Variants in HEG1 observed in about 807,000 individuals in gnomAD.
HEG1 encodes the protein heart development protein with EGF like domains 1.
A neutral mutation model predicts 125.6 loss-of-function variants in HEG1; 56 were observed. The ratio of observed to expected loss-of-function variants is 0.45; its 90% CI spans 0.36 to 0.56. The LOEUF is 0.56. Ranked by LOEUF, HEG1 falls within the 20% of genes least tolerant of loss-of-function variation. The pLI is 0.00. For synonymous variants in HEG1, 644 were observed against 668.5 expected (o/e 0.96, Z 0.57); for missense variants, 1,523 against 1,670.0 (o/e 0.91, Z 1.53).
chr3:125,010,109 C>T (rs1412759223), intron 7 of HEG1, among the ~76,000 whole-genome samples: 1 of 152,166 alleles, frequency 6.6e-6, no homozygotes, highest in Non-Finnish European at 1.5e-5. Context: ...AACATCTGGA[C>T]TACAACTGGA....
chr3:124,995,632 C>T (rs543635817), intron 12 of HEG1, among the ~76,000 whole-genome samples: 1 of 152,338 alleles, frequency 6.6e-6, no homozygotes, highest in Non-Finnish European at 1.5e-5. Flanking sequence ...CATCAGAACC[C>T]AGCCTAAAGG....
rs1274061359 is a variant in HEG1 at position 124,967,998 on chromosome 3, A to G, written c.*2654T>C. On this transcript the variant is annotated 3_prime_UTR_variant, in exon 17 of 17. Coordinates refer to ENST00000311127, the MANE Select transcript of HEG1 (RefSeq NM_020733.2). The stretch of plus-strand genomic sequence containing the variant: ...ATGCCCCTGCGCCCGGCTCCTCTCT[A>G]TGGAGGTTTAAGCATCTCTTGAGCA... 1 of 152,246 alleles carries G rather than the reference A, an allele frequency of 6.6e-6. No individual in the cohort carries two copies. The highest frequency in any genetic ancestry group is 1.5e-5 in the Non-Finnish European group (1 of 68,120). The allele number at this position is 152,246 out of a possible 1,614,324, so 9.4% of individuals were successfully genotyped here.
At position 124,977,959 on chromosome 3, in the gene HEG1, C is replaced by T. The variant is rs747585407; in HGVS notation, c.3734-13G>A. The stretch of plus-strand genomic sequence containing the variant: ...ATAAGCTGATAGGCTAAACGTAAAA[C>T]AAACAAAAAAGCATATTGGCTGGAG... On this transcript the variant is annotated splice_polypyrimidine_tract_variant and intron_variant, in intron 14 of 16. Transcript: ENST00000311127. The T allele has an allele frequency of 6.5e-7, 1 of 1,543,992 alleles. No homozygotes were observed. The highest frequency in any genetic ancestry group is 8.7e-7 in the Non-Finnish European group (1 of 1,144,380).
chr3:125,001,255 T>G (rs903319625), intron 11 of HEG1, among the ~76,000 whole-genome samples: 1 of 151,412 alleles, frequency 6.6e-6, no homozygotes, highest in Non-Finnish European at 1.5e-5. Flanking sequence ...TTTAACCTAA[T>G]AATGTATCAT....
chr3:125,021,099 G>A lies in HEG1; in HGVS notation c.945C>T (p.Ser315=). The A allele has an allele frequency of 6.3e-7, 1 of 1,586,386 alleles. No individual in the cohort carries two copies. Among genetic ancestry groups the A allele is most frequent in the Non-Finnish European group, 8.6e-7 (1 of 1,165,244 alleles). The change falls in exon 4 of 17, where the codon TCC becomes TCT. Residue 315 remains serine (S), a synonymous_variant. Transcript: ENST00000311127. ...SSESTEKLNN[S]TGLQSSSVSQ... ...TGACTGAGGAGCTCTGGAGGCCAGT[G>A]GAGTTGTTAAGCTTCTCTGTACTTT... is the stretch of plus-strand genomic sequence containing the variant.
At chr3:125,052,842 C>T (rs1188308675) in intron 1 of HEG1, among the ~76,000 whole-genome samples, 1 of 152,202 alleles carries the variant, frequency 6.6e-6, no homozygotes, top group Admixed American at 6.5e-5. Context: ...GGCAAACAAT[C>T]CACATAATGG....
In HEG1 at chr3:125,012,778, G is replaced by C; in HGVS notation, c.2801C>G (p.Thr934Arg). Residue 934 changes from threonine (T) to arginine (R), a missense_variant, in exon 6 of 17, where the codon ACA (threonine) becomes AGA (arginine). Thr to Arg is a moderately conservative substitution (Grantham distance 71). Coordinates refer to ENST00000311127, the MANE Select transcript of HEG1 (RefSeq NM_020733.2). ...ACGTGAAGCTGGGCTGTACTCTGCTGTAACGCCAAGCTTTGTGGTCATTTC... is the reference window on the plus strand; with the variant it reads ...ACGTGAAGCTGGGCTGTACTCTGCTCTAACGCCAAGCTTTGTGGTCATTTC... Reference protein sequence around the residue: ...AKEMTTKLGVTAEYSPASRSL... With the variant: ...AKEMTTKLGVRAEYSPASRSL... The C allele has an allele frequency of 2.5e-6, 4 of 1,614,074 alleles. No homozygotes were observed. The South Asian group carries it at 4.4e-5, about 18-fold the overall frequency.
At chr3:125,029,095 G>A (rs1579428846) in intron 2 of HEG1, 100 bp downstream of exon 2, 3 of 1,332,114 alleles carry the variant, frequency 2.3e-6, no homozygotes, top group East Asian at 5.0e-5. Flanking sequence ...ACCTTGGAAG[G>A]GCACAATGGC....
intron 4 of HEG1, among the ~76,000 whole-genome samples, chr3:125,020,476 T>A (rs977541986): frequency 6.6e-6 from 1 of 151,952 alleles, no homozygotes; most frequent in Admixed American, 6.6e-5. Flanking sequence ...TTGAAGACCA[T>A]CCTGTAGAGT....
intron 1 of HEG1, among the ~76,000 whole-genome samples, chr3:125,042,381 T>C (rs1348007080): frequency 1.3e-5 from 2 of 152,110 alleles, no homozygotes; most frequent in African/African-American, 2.4e-5. Flanking sequence ...TGAGCCGAGA[T>C]CATGCCACTG....
chr3:125,005,180 C>A, intron 9 of HEG1, 85 bp downstream of exon 9: 1 of 774,946 alleles, frequency 1.3e-6, no homozygotes, highest in South Asian at 1.6e-5. Context: ...GGAGACACAG[C>A]TGACCGCTAG....
chr3:125,055,464 C>T, intron 1 of HEG1, 111 bp downstream of exon 1: 2 of 716,264 alleles, frequency 2.8e-6, no homozygotes, highest in Non-Finnish European at 3.7e-6. Flanking sequence ...CGAGGAGCCC[C>T]CACCCTGGGT....
At chr3:125,001,189 A>G (rs562331275) in intron 11 of HEG1, among the ~76,000 whole-genome samples, 4 of 151,926 alleles carry the variant, frequency 2.6e-5, no homozygotes, top group Admixed American at 6.6e-5. Context: ...GTGCATTTAT[A>G]ATGTGCAAAC....
intron 11 of HEG1, among the ~76,000 whole-genome samples, chr3:125,000,690 A>G: frequency 6.6e-6 from 1 of 152,074 alleles, no homozygotes; most frequent in African/African-American, 2.4e-5. Context: ...CTGGCTCCCA[A>G]GCTCTGTAAT....
chr3:125,013,920 G>T lies in HEG1; in HGVS notation c.1659C>A (p.Asp553Glu), dbSNP rs767117252. The T allele has an allele frequency of 6.2e-7, 1 of 1,613,794 alleles. No homozygotes were observed. Among genetic ancestry groups the T allele is most frequent in the Non-Finnish European group, 8.5e-7 (1 of 1,179,814 alleles). The change falls in exon 6 of 17, where the codon GAC becomes GAA. Residue 553 changes from aspartate (D) to glutamate (E), a missense_variant. Physicochemically the swap from Asp to Glu is conservative, Grantham distance 45 (BLOSUM62 2). Transcript: ENST00000311127. ...TGAAAGTAGATGACAGGTAGGTGTG[G>T]TCTGTGTGGTCGCTGGAAGTCCTTT... ...IEQRTSSDHT[D>E]HTYLSSTFTK... is the part of the protein sequence containing the mutation.
At chr3:125,034,473 G>T (rs1040333730) in intron 1 of HEG1, among the ~76,000 whole-genome samples, 3 of 152,102 alleles carry the variant, frequency 2.0e-5, no homozygotes, top group African/African-American at 7.2e-5. Context: ...CTCAACAACA[G>T]ATTAGATATG....
intron 14 of HEG1, among the ~76,000 whole-genome samples, chr3:124,979,824 C>T (rs1560015219): frequency 6.6e-6 from 1 of 152,240 alleles, no homozygotes; most frequent in East Asian, 1.9e-4. Context: ...CTCCCCTCCT[C>T]ACCAAGCTTC....
rs1936323100 is a variant in HEG1, at chr3:124,966,820, T to C, written c.*3832A>G. The stretch of plus-strand genomic sequence containing the variant: ...TCGGCTTACAGGACACCCGGGCATC[T>C]CACCAGGGGGCAACACAGTTTCATG... On this transcript the variant is annotated 3_prime_UTR_variant, in exon 17 of 17. Transcript: ENST00000311127. 1 of 152,252 alleles carries C rather than the reference T, an allele frequency of 6.6e-6. No individual in the cohort carries two copies. 9.4% of individuals were successfully genotyped at this position (152,252 alleles called of 1,614,324 possible). A position where few individuals can be genotyped will look rare whatever the true frequency, so the allele number is the denominator to read the frequency against.
intron 8 of HEG1, among the ~76,000 whole-genome samples, chr3:125,007,541 C>G (rs1183770096): frequency 6.6e-6 from 1 of 152,208 alleles, no homozygotes; most frequent in Non-Finnish European, 1.5e-5. Flanking sequence ...GCTTTCAATT[C>G]TGGTCCAAGA....
Sources: allele counts gnomAD v4.1 joint callset (sites outside exome capture counted in the v4.1 genomes callset), GRCh38; gene constraint gnomAD v4.1.1; transcripts MANE v1.5; gene names NCBI Gene and HGNC (gene_info 2026-07-23, HGNC 2026-07-21).